DAAM2: variants seen among roughly 807,000 people sequenced by gnomAD.
DAAM2 encodes the protein disheveled-associated activator of morphogenesis 2.
A neutral mutation model predicts 120.7 loss-of-function variants in DAAM2; 39 were observed. The observed-to-expected ratio is 0.32, with a 90% confidence interval of 0.25 to 0.42. The LOEUF is 0.42. Ranked by LOEUF, DAAM2 falls within the 10% of genes least tolerant of loss-of-function variation. The pLI, the probability that DAAM2 is intolerant of heterozygous loss-of-function variation, is 1.00. For missense variants in DAAM2, 1,283 were observed against 1,401.7 expected, an observed-to-expected ratio of 0.92 and a Z score of 1.35; for synonymous variants, 488 against 524.9, an observed-to-expected ratio of 0.93 and a Z score of 0.96.
At chr6:39,812,758 G>A (rs1762201919) in intron 1 of DAAM2, among the ~76,000 whole-genome samples, 1 of 151,856 alleles carries the variant, frequency 6.6e-6, no homozygotes, top group Non-Finnish European at 1.5e-5. Context: ...CCCTTTTCCT[G>A]CCTGCCTCTG....
chr6:39,879,494 G>A lies in DAAM2; in HGVS notation c.1845+17G>A, dbSNP rs529240448. The A allele has an allele frequency of 5.6e-6, 9 of 1,613,986 alleles. No homozygotes were observed. The East Asian group carries it at 1.8e-4, about 32-fold the overall frequency. ...CTGAATGAGGTGAGCATCTGGGAAG[G>A]GGCTGGAGGGCCCATTCTTCTACAG... On this transcript the variant is annotated intron_variant, in intron 14 of 24. Coordinates refer to ENST00000274867, the MANE Select transcript of DAAM2 (RefSeq NM_001201427.2).
chr6:39,837,432 G>A (rs1562015399), intron 1 of DAAM2, among the ~76,000 whole-genome samples: 1 of 152,024 alleles, frequency 6.6e-6, no homozygotes, highest in African/African-American at 2.4e-5. Context: ...TCGAACTCCT[G>A]ACCTCAGGTG....
intron 8 of DAAM2, among the ~76,000 whole-genome samples, chr6:39,871,023 G>C (rs1290042755): frequency 6.6e-6 from 1 of 152,156 alleles, no homozygotes; most frequent in Non-Finnish European, 1.5e-5. Context: ...ATGAGGGAGA[G>C]ATTAGTTTTG....
intron 8 of DAAM2, among the ~76,000 whole-genome samples, chr6:39,870,892 C>G (rs1404740752): frequency 6.6e-6 from 1 of 152,146 alleles, no homozygotes; most frequent in African/African-American, 2.4e-5. Flanking sequence ...CCATGTGATA[C>G]CAGTGAGGCC....
In DAAM2 at chr6:39,901,334, T is replaced by A. The variant is rs759382010; in HGVS notation, c.2844T>A (p.His948Gln). Reference sequence around the variant, plus strand: ...AGGCCTTGATGCACTTCGGGGAGCATGACAGCAAGATGCAGCCAGACGAAT... The same window carrying A: ...AGGCCTTGATGCACTTCGGGGAGCAAGACAGCAAGATGCAGCCAGACGAAT... ...FAKALMHFGE[H>Q]DSKMQPDEFF... Residue 948 changes from histidine to glutamine, a missense_variant, in exon 24 of 25, where the codon CAT (histidine) becomes CAA (glutamine). Physicochemically the swap from His to Gln is conservative, Grantham distance 24 (BLOSUM62 0). Coordinates refer to ENST00000274867, the MANE Select transcript of DAAM2 (RefSeq NM_001201427.2). This position sits in a 1 kb window ranked among gnomAD's most constrained non-coding sequence, Gnocchi z 4.5. The A allele has an allele frequency of 5.0e-6, 8 of 1,613,946 alleles. No homozygotes were observed. In the South Asian group the frequency reaches 5.5e-5, roughly 11 times the overall value.
chr6:39,883,725 T>A, intron 14 of DAAM2: 1 of 467,080 alleles, frequency 2.1e-6, no homozygotes, highest in Non-Finnish European at 3.9e-6. Flanking sequence ...TAGAACATGT[T>A]TACATGTGGC....
intron 1 of DAAM2, among the ~76,000 whole-genome samples, chr6:39,815,231 G>A (rs1403692406): frequency 6.6e-6 from 1 of 152,176 alleles, no homozygotes; most frequent in East Asian, 1.9e-4. Context: ...ATAAGTGGTG[G>A]TGGCTTATAT....
At chr6:39,832,954 A>G (rs1762970400) in intron 1 of DAAM2, among the ~76,000 whole-genome samples, 1 of 152,078 alleles carries the variant, frequency 6.6e-6, no homozygotes, top group Non-Finnish European at 1.5e-5. Flanking sequence ...CCAGGTGTCC[A>G]GTGGCTGGTC....
At chr6:39,794,543 G>A (rs1761643445) in intron 1 of DAAM2, among the ~76,000 whole-genome samples, 2 of 152,164 alleles carry the variant, frequency 1.3e-5, no homozygotes, top group Admixed American at 1.3e-4. Context: ...AGAAGGCGGA[G>A]GCTGTGCAGG....
intron 15 of DAAM2, chr6:39,887,235 A>G (rs988452064): frequency 4.9e-6 from 2 of 406,228 alleles, no homozygotes; most frequent in Non-Finnish European, 9.0e-6. Context: ...AAATCTCTAA[A>G]AAAATAAAAA....
chr6:39,832,401 ATCTGGGAATAAC>A (rs922478490), intron 1 of DAAM2, among the ~76,000 whole-genome samples: 25 of 151,788 alleles, frequency 1.6e-4, no homozygotes, highest in African/African-American at 6.1e-4. Flanking sequence ...CCTTTTGTCT[ATCTGGGAATAAC>A]CCACTTAGTG....
intron 1 of DAAM2, among the ~76,000 whole-genome samples, chr6:39,799,411 G>A (rs116622798): frequency 1.7e-3 from 262 of 152,284 alleles, no homozygotes; most frequent in African/African-American, 5.9e-3. Context: ...AACAAATAAT[G>A]CACAGTTTTG....
chr6:39,879,318 C>T lies in DAAM2; in HGVS notation c.1686C>T (p.Pro562=), dbSNP rs375042575. ...CTCCCCCACCACCACCCCTTCCTCC[C>T]GGGGGACCCCCGACTCCCCCAGGTG... The part of the protein sequence containing the change: ...CPPPPPPPLP[P]GGPPTPPGAP... The change falls in exon 14 of 25, where the codon CCC becomes CCT. Residue 562 remains proline (P), a synonymous_variant. Coordinates refer to ENST00000274867, the MANE Select transcript of DAAM2 (RefSeq NM_001201427.2). 18 of 1,587,008 alleles carry T rather than the reference C, an allele frequency of 1.1e-5. No individual in the cohort carries two copies. The highest frequency in any genetic ancestry group is 1.7e-4 in the Middle Eastern group (1 of 5,948).
Position 39,891,467 on chromosome 6 carries a change from G to C in DAAM2, c.2252+20G>C. On this transcript the variant is annotated intron_variant, in intron 18 of 24. Transcript: ENST00000274867. ...GAGCAGGTTGGGCCATGGGCATGGTGGGGATTCAAGCAGGTGGGGTTCTGG... is the reference window on the plus strand; with the variant it reads ...GAGCAGGTTGGGCCATGGGCATGGTCGGGATTCAAGCAGGTGGGGTTCTGG... 1 of 1,588,436 alleles carries C rather than the reference G, an allele frequency of 6.3e-7. No homozygotes were observed. The highest frequency in any genetic ancestry group is 8.6e-7 in the Non-Finnish European group (1 of 1,164,894).
At chr6:39,857,329 T>C (rs1764047591) in intron 2 of DAAM2, among the ~76,000 whole-genome samples, 1 of 152,208 alleles carries the variant, frequency 6.6e-6, no homozygotes, top group Non-Finnish European at 1.5e-5. Context: ...AACAAGGCCA[T>C]GTGGTTGGAA....
At chr6:39,871,476 C>T in intron 8 of DAAM2, 30 bp from the exon 9 acceptor site, 2 of 1,545,406 alleles carry the variant, frequency 1.3e-6, no homozygotes, top group Non-Finnish European at 1.8e-6. Context: ...GCTGTAATGT[C>T]TACTCTCTCT....
At chr6:39,849,932 G>A (rs1293950257) in intron 1 of DAAM2, among the ~76,000 whole-genome samples, 2 of 152,170 alleles carry the variant, frequency 1.3e-5, no homozygotes, top group East Asian at 1.9e-4. Context: ...GGCACGTGGA[G>A]GGTCAGCATA....
In DAAM2 at chr6:39,901,928, G is replaced by C. The variant is rs755288027; in HGVS notation, c.3098G>C (p.Gly1033Ala). The change falls in exon 25 of 25, where the codon GGG (glycine) becomes GCG (alanine). Residue 1033 changes from glycine (G) to alanine (A), a missense_variant. Transcript: ENST00000274867. This position sits in a 1 kb window ranked among gnomAD's most constrained non-coding sequence, Gnocchi z 4.5. ...GACCTGGTGTCGGCCCTGCGCTCTG[G>C]GGAGGTCTTCGACAAGGACTTATGC... ...FDDLVSALRS[G>A]EVFDKDLCKL... 1.9e-5 allele frequency: 31 copies of C among 1,611,528 alleles called. No homozygotes were observed. Among genetic ancestry groups the C allele is most frequent in the Non-Finnish European group, 2.5e-5 (29 of 1,178,188 alleles).
chr6:39,869,429 A>G (rs1313058981), intron 7 of DAAM2, among the ~76,000 whole-genome samples: 1 of 152,116 alleles, frequency 6.6e-6, no homozygotes, highest in Non-Finnish European at 1.5e-5. Flanking sequence ...CACTAAAAAA[A>G]TATAAAAATT....
Sources: allele counts gnomAD v4.1 joint callset (sites outside exome capture counted in the v4.1 genomes callset), GRCh38; gene constraint gnomAD v4.1.1; non-coding constraint Gnocchi (gnomAD v3.1); transcripts MANE v1.5; gene names NCBI Gene and HGNC (gene_info 2026-07-23, HGNC 2026-07-21).